CNTNAP4: variants seen among roughly 807,000 people sequenced by gnomAD.
CNTNAP4 encodes contactin associated protein family member 4.
Under a neutral mutation model 148.4 loss-of-function variants are expected in CNTNAP4, and 98 were observed. The ratio of observed to expected loss-of-function variants is 0.66; its 90% CI spans 0.56 to 0.78. The LOEUF (loss-of-function observed/expected upper bound fraction) is 0.78, where lower values mean the gene tolerates loss of function less well. Among genes scored for constraint, CNTNAP4 ranks in the 30% least tolerant of loss-of-function variants. The pLI is 0.00. For synonymous variants in CNTNAP4, 730 were observed against 565.1 expected, an observed-to-expected ratio of 1.29 and a Z score of -4.14; for missense variants, 1,935 against 1,565.6, an observed-to-expected ratio of 1.24 and a Z score of -3.98.
chr16:76,463,318 A>G (rs1412511862), intron 9 of CNTNAP4, among the ~76,000 whole-genome samples: 1 of 152,208 alleles, frequency 6.6e-6, no homozygotes, highest in African/African-American at 2.4e-5. Context: ...GATGCAAAAT[A>G]AAAGACTGGA....
intron 8 of CNTNAP4, among the ~76,000 whole-genome samples, chr16:76,454,181 C>G (rs137967800): frequency 0.011 from 1,623 of 146,950 alleles, 33 homozygotes; most frequent in African/African-American, 0.039. Flanking sequence ...ATGGTGCAAT[C>G]TCAGCTCACC....
Position 76,556,641 on chromosome 16 carries a change from G to A in CNTNAP4, c.3734-1849G>A, listed in dbSNP as rs530207241. The stretch of plus-strand genomic sequence containing the variant: ...CAAGCCAGAGGCCTATAACTAGCCT[G>A]TAGAAATATTTATAGCAATTCAACT... On this transcript the variant is annotated intron_variant, in intron 23 of 23. Coordinates refer to ENST00000611870, the MANE Select transcript of CNTNAP4 (RefSeq NM_033401.5). Among the ~76,000 whole-genome samples the A allele has an allele frequency of 4.5e-4, 68 of 152,330 alleles. No individual in the cohort carries two copies. The South Asian group carries it at 0.013, about 30-fold the overall frequency.
intron 3 of CNTNAP4, among the ~76,000 whole-genome samples, chr16:76,414,494 C>T (rs1035058366): frequency 2.0e-5 from 3 of 151,138 alleles, no homozygotes; most frequent in African/African-American, 7.3e-5. Context: ...TTCCTTCTTG[C>T]AAGTTCCTTG....
intron 3 of CNTNAP4, among the ~76,000 whole-genome samples, chr16:76,402,478 T>A (rs970296909): frequency 6.6e-6 from 1 of 152,078 alleles, no homozygotes; most frequent in African/African-American, 2.4e-5. Flanking sequence ...CTTATCAATT[T>A]TTATTATCTT....
intron 1 of CNTNAP4, 33 bp downstream of exon 1, chr16:76,277,780 G>T: frequency 7.4e-7 from 1 of 1,346,958 alleles, no homozygotes; most frequent in African/African-American, 1.4e-5. Context: ...AAAACTTGCT[G>T]GGGGGCTCTC....
At chr16:76,503,542 A>T (rs1051099939) in intron 15 of CNTNAP4, among the ~76,000 whole-genome samples, 1 of 152,170 alleles carries the variant, frequency 6.6e-6, no homozygotes, top group Non-Finnish European at 1.5e-5. Context: ...ATTTTTTATT[A>T]TTATACTTTA....
intron 3 of CNTNAP4, among the ~76,000 whole-genome samples, chr16:76,358,757 A>T (rs1161630190): frequency 6.6e-6 from 1 of 152,238 alleles, no homozygotes; most frequent in African/African-American, 2.4e-5. Context: ...GTTAAGACTT[A>T]GTACAATAGA....
intron 15 of CNTNAP4, among the ~76,000 whole-genome samples, chr16:76,500,868 A>G (rs1479025604): frequency 1.3e-5 from 2 of 152,134 alleles, no homozygotes; most frequent in Non-Finnish European, 2.9e-5. Flanking sequence ...TAGATTAGCG[A>G]CTAGTGCATT....
intron 3 of CNTNAP4, among the ~76,000 whole-genome samples, chr16:76,400,959 A>C (rs1336993262): frequency 6.6e-6 from 1 of 152,192 alleles, no homozygotes; most frequent in East Asian, 1.9e-4. Context: ...TACAGTTTGA[A>C]GTCAGATAAC....
intron 21 of CNTNAP4, among the ~76,000 whole-genome samples, chr16:76,547,512 T>C (rs1361025014): frequency 6.6e-6 from 1 of 152,216 alleles, no homozygotes; most frequent in East Asian, 1.9e-4. Context: ...TTCATGGTGG[T>C]AGCAGTAAAA....
intron 4 of CNTNAP4, among the ~76,000 whole-genome samples, chr16:76,429,885 T>C (rs1470706227): frequency 6.6e-6 from 1 of 152,218 alleles, no homozygotes; most frequent in Non-Finnish European, 1.5e-5. Flanking sequence ...AGCAGGATTT[T>C]AAACTCAAAC....
chr16:76,533,251 C>T (rs1310201227), intron 17 of CNTNAP4, among the ~76,000 whole-genome samples: 1 of 152,036 alleles, frequency 6.6e-6, no homozygotes, highest in African/African-American at 2.4e-5. Flanking sequence ...AAGTTAAACA[C>T]AGCATGGTAT....
chr16:76,293,078 G>T (rs934558298), intron 1 of CNTNAP4, among the ~76,000 whole-genome samples: 3 of 151,858 alleles, frequency 2.0e-5, no homozygotes, highest in Non-Finnish European at 2.9e-5. Flanking sequence ...GTATAGCCCA[G>T]CTCTCTTTAT....
chr16:76,464,001 T>C (rs1341784566), intron 9 of CNTNAP4, among the ~76,000 whole-genome samples: 1 of 152,210 alleles, frequency 6.6e-6, no homozygotes, highest in Non-Finnish European at 1.5e-5. Context: ...ATGCTTGACC[T>C]TGGCATGAGA....
chr16:76,449,960 G>T (rs913324774), intron 7 of CNTNAP4, 102 bp downstream of exon 7: 1 of 951,184 alleles, frequency 1.1e-6, no homozygotes, highest in Non-Finnish European at 1.5e-6. Context: ...GGTTTTAGAG[G>T]TACTCTTATT....
intron 13 of CNTNAP4, among the ~76,000 whole-genome samples, chr16:76,492,422 A>T (rs1361308035): frequency 6.6e-6 from 1 of 152,212 alleles, no homozygotes; most frequent in Non-Finnish European, 1.5e-5. Flanking sequence ...AAAATGTAAG[A>T]AAATACAAAA....
At chr16:76,385,671 T>A (rs1262542042) in intron 3 of CNTNAP4, among the ~76,000 whole-genome samples, 3 of 151,980 alleles carry the variant, frequency 2.0e-5, no homozygotes, top group African/African-American at 7.2e-5. Flanking sequence ...AAATACACAA[T>A]TAGAGTCCCG....
intron 8 of CNTNAP4, 57 bp downstream of exon 8, chr16:76,452,826 T>G: frequency 6.9e-7 from 1 of 1,441,744 alleles, no homozygotes. Flanking sequence ...TCATTATCTC[T>G]GTGGCCAAAT....
At chr16:76,381,621 C>G (rs1307027557) in intron 3 of CNTNAP4, among the ~76,000 whole-genome samples, 2 of 152,158 alleles carry the variant, frequency 1.3e-5, no homozygotes, top group Non-Finnish European at 2.9e-5. Flanking sequence ...CTACCCCTCA[C>G]ATTTGTTTAA....
Sources: allele counts gnomAD v4.1 joint callset (sites outside exome capture counted in the v4.1 genomes callset), GRCh38; gene constraint gnomAD v4.1.1; transcripts MANE v1.5; gene names NCBI Gene and HGNC (gene_info 2026-07-23, HGNC 2026-07-21).